Variants in LINGO2 observed in about 807,000 individuals in gnomAD.
The protein encoded by LINGO2 is leucine-rich repeat and immunoglobulin-like domain-containing nogo receptor-interacting protein 2.
Under a neutral mutation model 30.6 loss-of-function variants are expected in LINGO2, and 14 were observed. That is an observed-to-expected ratio of 0.46 (90% CI 0.30 to 0.72). The LOEUF (loss-of-function observed/expected upper bound fraction) is 0.72, where lower values mean the gene tolerates loss of function less well. Among genes scored for constraint, LINGO2 ranks in the 30% least tolerant of loss-of-function variants. The pLI is 0.07. For missense variants in LINGO2, 729 were observed against 751.7 expected (o/e 0.97, Z 0.35); for synonymous variants, 317 against 288.5 (o/e 1.10, Z -1.00).
intron 2 of LINGO2, among the ~76,000 whole-genome samples, chr9:28,436,528 G>T (rs1335479719): frequency 6.6e-6 from 1 of 151,890 alleles, no homozygotes; most frequent in Non-Finnish European, 1.5e-5. Context: ...CGCAGTCTCG[G>T]CTCACTGTAA....
intron 1 of LINGO2, among the ~76,000 whole-genome samples, chr9:28,609,698 C>G (rs1324191332): frequency 1.3e-5 from 2 of 152,002 alleles, no homozygotes; most frequent in African/African-American, 4.8e-5. Context: ...GTCTTTGAAG[C>G]ACAATTTTGT....
At chr9:29,027,939 G>T in the LINGO2 span, among the ~76,000 whole-genome samples, 1 of 152,190 alleles carries the variant, frequency 6.6e-6, no homozygotes, top group Non-Finnish European at 1.5e-5. Context: ...AGTAGAGGCA[G>T]ATCAACCTTG....
the LINGO2 span, among the ~76,000 whole-genome samples, chr9:28,676,151 T>A: frequency 6.6e-6 from 1 of 151,236 alleles, no homozygotes; most frequent in Non-Finnish European, 1.5e-5. Flanking sequence ...TCCATTTTAA[T>A]TATAATATAA....
At chr9:28,785,707 T>C in the LINGO2 span, among the ~76,000 whole-genome samples, 2 of 111,908 alleles carry the variant, frequency 1.8e-5, no homozygotes, top group African/African-American at 3.4e-5. Context: ...CACACACACA[T>C]GCACACACAC....
At chr9:28,048,827 G>A (rs1406045379) in intron 4 of LINGO2, among the ~76,000 whole-genome samples, 6 of 150,342 alleles carry the variant, frequency 4.0e-5, no homozygotes, top group African/African-American at 7.4e-5. Context: ...GATGAAAATA[G>A]CAACATATAT....
intron 5 of LINGO2, among the ~76,000 whole-genome samples, chr9:28,003,386 T>TAGATAG: frequency 7.4e-6 from 1 of 134,878 alleles, no homozygotes; most frequent in African/African-American, 3.0e-5. Context: ...TAGATAGATA[T>TAGATAG]AGAGAGAGAG....
chr9:27,979,294 G>C (rs1034565252), intron 5 of LINGO2, among the ~76,000 whole-genome samples: 2 of 151,850 alleles, frequency 1.3e-5, no homozygotes, highest in Non-Finnish European at 2.9e-5. Context: ...CATCTTACTG[G>C]TCCTCAGTTA....
At chr9:28,997,783 A>G in the LINGO2 span, among the ~76,000 whole-genome samples, 1 of 152,076 alleles carries the variant, frequency 6.6e-6, no homozygotes, top group Non-Finnish European at 1.5e-5. Context: ...AGATCGTGCC[A>G]CTGCACTCCA....
At chr9:28,319,361 T>C (rs1311927476) in intron 3 of LINGO2, among the ~76,000 whole-genome samples, 2 of 152,200 alleles carry the variant, frequency 1.3e-5, no homozygotes, top group Admixed American at 1.3e-4. Context: ...CTCTCTTATA[T>C]GGATTTATAT....
chr9:28,733,022 T>A, the LINGO2 span, among the ~76,000 whole-genome samples: 1 of 152,208 alleles, frequency 6.6e-6, no homozygotes, highest in Non-Finnish European at 1.5e-5. Flanking sequence ...GTATACTCCA[T>A]AATTATTACA....
In LINGO2 at chr9:28,129,534, G is replaced by C. The variant is rs1245331179; in HGVS notation, c.-86-117129C>G. 1 of 152,200 alleles carries C rather than the reference G, an allele frequency of 6.6e-6. No homozygotes were observed. Among genetic ancestry groups the C allele is most frequent in the Non-Finnish European group, 1.5e-5 (1 of 68,080 alleles). 9.4% of individuals were successfully genotyped at this position (152,200 alleles called of 1,614,324 possible). A position where few individuals can be genotyped will look rare whatever the true frequency, so the allele number is the denominator to read the frequency against. On this transcript the variant is annotated intron_variant, in intron 4 of 5. Transcript: ENST00000379992. The surrounding 1 kb of genome is among the most constrained non-coding windows in gnomAD (Gnocchi z 4.0). ...CTCTTCAGTCCTCAGACTGGGTCCT[G>C]CCCATGTGAATGGATCTAGGATTAC...
intron 4 of LINGO2, among the ~76,000 whole-genome samples, chr9:28,098,180 C>T (rs953767539): frequency 2.0e-5 from 3 of 152,072 alleles, no homozygotes; most frequent in African/African-American, 7.2e-5. Context: ...TGGCATCCAC[C>T]TGTGGTCCCA....
At chr9:28,901,771 G>A in the LINGO2 span, among the ~76,000 whole-genome samples, 1 of 151,454 alleles carries the variant, frequency 6.6e-6, no homozygotes, top group Non-Finnish European at 1.5e-5. Flanking sequence ...AAGAAAGATA[G>A]CAAGAGAGGT....
chr9:28,802,201 T>C, the LINGO2 span, among the ~76,000 whole-genome samples: 15,073 of 151,962 alleles, frequency 0.099, 807 homozygotes, highest in Middle Eastern at 0.14. Flanking sequence ...TTTCCAACAA[T>C]TTGAACAATG....
At chr9:28,074,074 T>C (rs937385957) in intron 4 of LINGO2, among the ~76,000 whole-genome samples, 2 of 152,150 alleles carry the variant, frequency 1.3e-5, no homozygotes, top group Non-Finnish European at 1.5e-5. Context: ...TGTTGACTAA[T>C]TGCATTGAGG....
Position 28,104,364 on chromosome 9 carries a change from A to G in LINGO2, c.-86-91959T>C, listed in dbSNP as rs1826517913. ...TAACAGTTATTACCTATCTTAGTTT[A>G]ACCAGAATAGAAGCAATGTGTCTGC... On this transcript the variant is annotated intron_variant, in intron 4 of 5. Coordinates refer to ENST00000379992, the Ensembl canonical transcript of LINGO2. Among the ~76,000 whole-genome samples the G allele has an allele frequency of 2.1e-5, 3 of 142,170 alleles. No individual in the cohort carries two copies. The South Asian group carries it at 6.9e-4, about 33-fold the overall frequency. 93.3% of individuals were successfully genotyped at this position (142,170 alleles called of 152,430 possible). A position where few individuals can be genotyped will look rare whatever the true frequency, so the allele number is the denominator to read the frequency against.
intron 4 of LINGO2, among the ~76,000 whole-genome samples, chr9:28,047,366 G>A (rs746670953): frequency 7.1e-6 from 1 of 141,578 alleles, no homozygotes; most frequent in Non-Finnish European, 1.5e-5. Flanking sequence ...CTGTATGAAA[G>A]ATCTACTAAA....
intron 1 of LINGO2, among the ~76,000 whole-genome samples, chr9:28,618,944 T>C (rs1587969648): frequency 6.6e-6 from 1 of 152,164 alleles, no homozygotes; most frequent in Admixed American, 6.5e-5. Context: ...GACTAGAAGA[T>C]AAATGAGGCA....
chr9:28,332,544 T>C (rs1825459710), intron 3 of LINGO2, among the ~76,000 whole-genome samples: 1 of 151,962 alleles, frequency 6.6e-6, no homozygotes, highest in Admixed American at 6.6e-5. Context: ...CTATCTATTC[T>C]TGAAGTTGGC....
Sources: gnomAD v4.1 joint callset for allele counts (sites outside exome capture counted in the v4.1 genomes callset) on GRCh38, gnomAD v4.1.1 for gene constraint, Gnocchi (gnomAD v3.1) non-coding constraint, MANE v1.5 for transcripts, NCBI Gene and HGNC (gene_info 2026-07-23, HGNC 2026-07-21) for gene names.